The following FAIM2 variants were observed in gnomAD, a reference collection of about 807,000 sequenced individuals.
The protein encoded by FAIM2 is protein lifeguard 2.
In FAIM2, 27 loss-of-function variants were observed where a neutral mutation model predicts 47.4. That is an observed-to-expected ratio of 0.57 (90% CI 0.42 to 0.78). FAIM2 has a LOEUF of 0.78. Among genes scored for constraint, FAIM2 ranks in the 30% least tolerant of loss-of-function variants. FAIM2 has a pLI of 0.00. For synonymous variants in FAIM2, 156 were observed against 159.3 expected, an observed-to-expected ratio of 0.98 and a Z score of 0.16; for missense variants, 311 against 389.4, an observed-to-expected ratio of 0.80 and a Z score of 1.69.
intron 11 of FAIM2, among the ~76,000 whole-genome samples, chr12:49,876,689 G>A (rs1453407549): frequency 2.6e-5 from 4 of 151,964 alleles, no homozygotes; most frequent in East Asian, 1.9e-4. Flanking sequence ...GGAGAATGGC[G>A]TGAACCCAGG....
At chr12:49,889,674 T>G in intron 8 of FAIM2, 106 bp from the exon 9 acceptor site, 60 of 891,938 alleles carry the variant, frequency 6.7e-5, no homozygotes, top group Non-Finnish European at 1.0e-4. Context: ...TTGGGATCCC[T>G]GGCCCCAGTC....
rs1946695249 is a variant in FAIM2 at position 49,870,591 on chromosome 12, C to A, written c.864G>T (p.Glu288Asp). ...AAATGTTGAGGGCTCCAAAAATATA[C>A]TCCTCAGGGCTCAGCGAGTGGCGTC... ...GNRRHSLSPE[E>D]YIFGALNIYL... The change falls in exon 12 of 12, where the codon GAG becomes GAT. Residue 288 changes from glutamate (E) to aspartate (D), a missense_variant. Physicochemically the swap from Glu to Asp is conservative, Grantham distance 45 (BLOSUM62 2). Coordinates refer to ENST00000320634, the MANE Select transcript of FAIM2 (RefSeq NM_012306.4). The A allele has an allele frequency of 6.2e-7, 1 of 1,613,896 alleles. No individual in the cohort carries two copies. The highest frequency in any genetic ancestry group is 8.5e-7 in the Non-Finnish European group (1 of 1,179,862).
intron 11 of FAIM2, among the ~76,000 whole-genome samples, chr12:49,879,567 T>C (rs1946786352): frequency 1.3e-5 from 2 of 152,028 alleles, no homozygotes; most frequent in Admixed American, 1.3e-4. Flanking sequence ...TGCATGCATG[T>C]ATATGTGCGT....
At chr12:49,888,365 C>A (rs1222592828) in intron 10 of FAIM2, among the ~76,000 whole-genome samples, 1 of 152,152 alleles carries the variant, frequency 6.6e-6, no homozygotes, top group Admixed American at 6.5e-5. Context: ...CAACTGCTCG[C>A]AGCCCTACTA....
intron 5 of FAIM2, among the ~76,000 whole-genome samples, chr12:49,891,945 C>A (rs1344171573): frequency 6.6e-6 from 1 of 152,086 alleles, no homozygotes; most frequent in African/African-American, 2.4e-5. Context: ...TGGAGCTCGC[C>A]CATGCCTACC....
intron 5 of FAIM2, among the ~76,000 whole-genome samples, chr12:49,895,047 G>A (rs866928585): frequency 5.1e-5 from 7 of 136,210 alleles, no homozygotes; most frequent in Admixed American, 2.2e-4. Flanking sequence ...GGAGAGAGCT[G>A]AGGGGTGTGG....
At chr12:49,872,106 C>A (rs1403401491) in intron 11 of FAIM2, among the ~76,000 whole-genome samples, 5 of 152,186 alleles carry the variant, frequency 3.3e-5, no homozygotes, top group South Asian at 2.1e-4. Context: ...AGCTGCATGA[C>A]AGGGACTTGC....
chr12:49,867,414 T>C lies in FAIM2; in HGVS notation c.*3090A>G, dbSNP rs1056561529. ...CAAGGAGCCTTTTGGAAAATGGGTG[T>C]CTGTCCCATCCTGACTCCCTCGGAA... is the stretch of plus-strand genomic sequence containing the variant. On this transcript the variant is annotated 3_prime_UTR_variant, in exon 12 of 12. Transcript: ENST00000320634. The C allele has an allele frequency of 6.6e-6, 1 of 152,194 alleles. No homozygotes were observed. Among genetic ancestry groups the C allele is most frequent in the Admixed American group, 6.5e-5 (1 of 15,278 alleles). 9.4% of individuals were successfully genotyped at this position (152,194 alleles called of 1,614,324 possible). A position where few individuals can be genotyped will look rare whatever the true frequency, so the allele number is the denominator to read the frequency against.
At chr12:49,875,366 G>T (rs548056983) in intron 11 of FAIM2, among the ~76,000 whole-genome samples, 1 of 152,242 alleles carries the variant, frequency 6.6e-6, no homozygotes, top group East Asian at 1.9e-4. Flanking sequence ...GCTTTGGGGA[G>T]TCTCTGGAGA....
chr12:49,873,587 G>A (rs1946716979), intron 11 of FAIM2, among the ~76,000 whole-genome samples: 2 of 152,118 alleles, frequency 1.3e-5, no homozygotes, highest in Admixed American at 1.3e-4. Context: ...CTAATGAAAT[G>A]GAGTCTCTTA....
rs75788186 is a variant in FAIM2, at chr12:49,898,335, C to T, written c.212-245G>A. On this transcript the variant is annotated intron_variant, in intron 2 of 11. Coordinates refer to ENST00000320634, the MANE Select transcript of FAIM2 (RefSeq NM_012306.4). ...AAGAAGCTGTCATCCCCTACCTCTC[C>T]CTCCACCCCGGCTGGGGCTCCCTGG... Among the ~76,000 whole-genome samples the T allele has an allele frequency of 5.9e-3, 895 of 152,064 alleles. 34 individuals are homozygous for T. The East Asian group carries it at 0.08, about 14-fold the overall frequency.
chr12:49,879,160 ATGTG>A (rs372578269), intron 11 of FAIM2, among the ~76,000 whole-genome samples: 1 of 123,554 alleles, frequency 8.1e-6, no homozygotes, highest in Admixed American at 9.0e-5. Context: ...GTGCATGTGT[ATGTG>A]TGTGTGCATG....
chr12:49,882,106 C>T (rs1334908483), intron 11 of FAIM2, among the ~76,000 whole-genome samples: 1 of 152,250 alleles, frequency 6.6e-6, no homozygotes, highest in Non-Finnish European at 1.5e-5. Flanking sequence ...CTTGCACAGT[C>T]TCCTTGAGGC....
intron 11 of FAIM2, among the ~76,000 whole-genome samples, chr12:49,879,967 T>TGTGTAA (rs1399757527): frequency 5.2e-4 from 5 of 9,638 alleles, no homozygotes; most frequent in Non-Finnish European, 7.8e-4. Flanking sequence ...TATGTGCATG[T>TGTGTAA]GTGTGTATAT....
At chr12:49,880,001 T>C (rs1946796745) in intron 11 of FAIM2, among the ~76,000 whole-genome samples, 1 of 151,570 alleles carries the variant, frequency 6.6e-6, no homozygotes, top group South Asian at 2.1e-4. Context: ...CATGTGTGCA[T>C]ATATGCGTGT....
At chr12:49,902,476 G>A (rs1042470672) in intron 1 of FAIM2, 5 of 152,206 alleles carry the variant, frequency 3.3e-5, no homozygotes, top group Non-Finnish European at 7.3e-5. Flanking sequence ...CCAGGCCCAA[G>A]GACCACTGAA....
intron 11 of FAIM2, among the ~76,000 whole-genome samples, chr12:49,880,724 A>ATG (rs767319926): frequency 6.4e-5 from 4 of 62,022 alleles, no homozygotes; most frequent in African/African-American, 3.6e-4. Context: ...ATGCGTGTAT[A>ATG]TGTGTGTGTG....
At chr12:49,902,447 A>G (rs1946987636) in intron 1 of FAIM2, 1 of 152,250 alleles carries the variant, frequency 6.6e-6, no homozygotes, top group African/African-American at 2.4e-5. Context: ...GGCACGCACC[A>G]GAAGACTTCT....
At position 49,889,467 on chromosome 12, in the gene FAIM2, GC is replaced by G; in HGVS notation, c.651+13del. The G allele has an allele frequency of 6.2e-7, 1 of 1,611,952 alleles. No homozygotes were observed. Among genetic ancestry groups the G allele is most frequent in the Non-Finnish European group, 8.5e-7 (1 of 1,178,100 alleles). ...TCAGGCCAGGGGTCCCTGCCTGCAG[GC>G]CCCAGAGCTGACCTTGGTCTGGAAG... On this transcript the variant is annotated intron_variant, in intron 9 of 11. Coordinates refer to ENST00000320634, the MANE Select transcript of FAIM2 (RefSeq NM_012306.4).
Sources: gnomAD v4.1 joint callset for allele counts (sites outside exome capture counted in the v4.1 genomes callset) on GRCh38, gnomAD v4.1.1 for gene constraint, MANE v1.5 for transcripts, NCBI Gene and HGNC (gene_info 2026-07-23, HGNC 2026-07-21) for gene names.